Variants in CCNT2 observed in about 807,000 individuals in gnomAD.
CCNT2 encodes cyclin T2.
In CCNT2, 18 loss-of-function variants were observed where a neutral mutation model predicts 70.0. That is an observed-to-expected ratio of 0.26 (90% confidence interval 0.18 to 0.38). The LOEUF (loss-of-function observed/expected upper bound fraction) is 0.38. Ranked by LOEUF, CCNT2 falls within the 10% of genes least tolerant of loss-of-function variation. CCNT2 has a pLI of 1.00. For missense variants in CCNT2, 734 were observed against 890.2 expected (o/e 0.82, Z 2.23); for synonymous variants, 334 against 313.3 (o/e 1.07, Z -0.70).
rs1454237054 is a variant in CCNT2 at position 134,958,661 on chromosome 2, A to G, written c.*4013A>G. 6.6e-6 allele frequency: 1 copy of G among 152,236 alleles called. No homozygotes were observed. The highest frequency in any genetic ancestry group is 2.4e-5 in the African/African-American group (1 of 41,456). 9.4% of individuals were successfully genotyped at this position (152,236 alleles called of 1,614,324 possible). On this transcript the variant is annotated 3_prime_UTR_variant, in exon 9 of 9. Coordinates refer to ENST00000264157, the MANE Select transcript of CCNT2 (RefSeq NM_058241.3). ...TGACATACATGGAAGCCGAAATCAA[A>G]AGGTTGCTTTTGTTAGTTTCCCTGG... is the stretch of plus-strand genomic sequence containing the variant.
intron 2 of CCNT2, among the ~76,000 whole-genome samples, chr2:134,935,265 A>C (rs1053187671): frequency 1.3e-5 from 2 of 152,260 alleles, no homozygotes; most frequent in Non-Finnish European, 2.9e-5. Context: ...TTTTAAGTTA[A>C]CATTATTTCT....
chr2:134,923,819 C>G (rs1384086102), intron 2 of CCNT2, among the ~76,000 whole-genome samples: 3 of 152,140 alleles, frequency 2.0e-5, no homozygotes, highest in Admixed American at 1.3e-4. Context: ...TTGCTTAATC[C>G]CAAACTGTAG....
chr2:134,922,285 C>T (rs1403313353), intron 2 of CCNT2, among the ~76,000 whole-genome samples: 2 of 152,172 alleles, frequency 1.3e-5, no homozygotes, highest in Non-Finnish European at 2.9e-5. Context: ...CAAACTATAT[C>T]TAGTCTTATA....
In CCNT2 at chr2:134,938,996, T is replaced by C. The variant is rs1246289197; in HGVS notation, c.370-6T>C. On this transcript the variant is annotated splice_region_variant and splice_polypyrimidine_tract_variant and intron_variant, in intron 3 of 8. Transcript: ENST00000264157. ...TAATCAATTTGATAATATTTTTATC[T>C]GACAGGCTTACCTTCAACAGACTCA... The C allele has an allele frequency of 6.3e-7, 1 of 1,590,496 alleles. No homozygotes were observed. Among genetic ancestry groups the C allele is most frequent in the African/African-American group, 1.3e-5 (1 of 74,540 alleles).
At chr2:134,949,889 G>A (rs973300155) in intron 7 of CCNT2, among the ~76,000 whole-genome samples, 2 of 151,476 alleles carry the variant, frequency 1.3e-5, no homozygotes, top group Non-Finnish European at 2.9e-5. Flanking sequence ...TCCGCCTCCC[G>A]GGTTCAAGCA....
intron 2 of CCNT2, among the ~76,000 whole-genome samples, chr2:134,925,381 T>C (rs757810332): frequency 2.6e-5 from 4 of 152,188 alleles, no homozygotes; most frequent in Non-Finnish European, 5.9e-5. Context: ...TTGTGGGTTT[T>C]TTTAAGAATA....
intron 2 of CCNT2, among the ~76,000 whole-genome samples, chr2:134,935,092 A>G (rs1681051680): frequency 6.6e-6 from 1 of 152,256 alleles, no homozygotes; most frequent in Non-Finnish European, 1.5e-5. Flanking sequence ...ACAGCCACAT[A>G]GTGCTAAATC....
chr2:134,921,437 T>A (rs1372312695), intron 2 of CCNT2, among the ~76,000 whole-genome samples: 1 of 152,096 alleles, frequency 6.6e-6, no homozygotes. Flanking sequence ...CACCACAACC[T>A]CTGCCTCCCT....
At chr2:134,929,800 A>G (rs561625209) in intron 2 of CCNT2, among the ~76,000 whole-genome samples, 1 of 151,098 alleles carries the variant, frequency 6.6e-6, no homozygotes, top group African/African-American at 2.4e-5. Context: ...ACAGGCATGC[A>G]CCACCATGCC....
At chr2:134,942,541 A>T in intron 4 of CCNT2, 71 bp from the exon 5 acceptor site, 1 of 972,564 alleles carries the variant, frequency 1.0e-6, no homozygotes, top group African/African-American at 1.7e-5. Context: ...AATATATTAT[A>T]CGTTTATGGC....
chr2:134,945,590 C>G, intron 5 of CCNT2: 1 of 985,308 alleles, frequency 1.0e-6, no homozygotes, highest in Non-Finnish European at 1.2e-6. Flanking sequence ...TCTGTTGATG[C>G]TTAATAGCAT....
chr2:134,940,693 G>T (rs1385921407), intron 4 of CCNT2, among the ~76,000 whole-genome samples: 1 of 152,160 alleles, frequency 6.6e-6, no homozygotes, highest in East Asian at 1.9e-4. Context: ...TGTCTCTCCA[G>T]TAAATTACAT....
intron 2 of CCNT2, among the ~76,000 whole-genome samples, chr2:134,925,732 ACAT>A (rs1373268121): frequency 6.6e-6 from 1 of 152,104 alleles, no homozygotes; most frequent in African/African-American, 2.4e-5. Context: ...GCTCTTAAGA[ACAT>A]TTGTGTACAA....
chr2:134,927,106 A>C (rs1019528905), intron 2 of CCNT2, among the ~76,000 whole-genome samples: 3 of 152,214 alleles, frequency 2.0e-5, no homozygotes, highest in Non-Finnish European at 4.4e-5. Flanking sequence ...TCATTTATTA[A>C]TAGGCATTAC....
chr2:134,946,031 G>A, intron 5 of CCNT2, 70 bp from the exon 6 acceptor site: 2 of 1,606,772 alleles, frequency 1.2e-6, no homozygotes, highest in South Asian at 2.2e-5. Context: ...TTTTTGTTGT[G>A]TTGAGAACTT....
At chr2:134,952,168 A>G (rs1682558620) in intron 7 of CCNT2, among the ~76,000 whole-genome samples, 2 of 152,206 alleles carry the variant, frequency 1.3e-5, no homozygotes, top group South Asian at 4.1e-4. Context: ...TTACAGTGGT[A>G]TCCTTAAAGT....
chr2:134,946,084 T>G lies in CCNT2; in HGVS notation c.494-17T>G. ...AAGGCTGATAGTATTGTCTTCGTTT[T>G]TTTTTTTTTCTTACAGCAAGCAAGG... On this transcript the variant is annotated splice_polypyrimidine_tract_variant and intron_variant, in intron 5 of 8. Coordinates refer to ENST00000264157, the MANE Select transcript of CCNT2 (RefSeq NM_058241.3). 1.2e-6 allele frequency: 2 copies of G among 1,611,368 alleles called. No individual in the cohort carries two copies. The highest frequency in any genetic ancestry group is 1.7e-4 in the Middle Eastern group (1 of 6,056).
chr2:134,954,683 T>TA lies in CCNT2; in HGVS notation c.*37dup. 3 of 1,432,590 alleles carry TA rather than the reference T, an allele frequency of 2.1e-6. No individual in the cohort carries two copies. The highest frequency in any genetic ancestry group is 2.9e-6 in the Non-Finnish European group (3 of 1,030,850). 88.7% of individuals were successfully genotyped at this position (1,432,590 alleles called of 1,614,324 possible). ...TAGGTCAATTTTTCCTTTACTTTTTTAATTTAAAAATTGTTAGAATGGAAA... is the reference window on the plus strand; with the variant it reads ...TAGGTCAATTTTTCCTTTACTTTTTTAAATTTAAAAATTGTTAGAATGGAAA... On this transcript the variant is annotated 3_prime_UTR_variant, in exon 9 of 9. Coordinates refer to ENST00000264157, the MANE Select transcript of CCNT2 (RefSeq NM_058241.3).
At chr2:134,921,821 A>G in intron 2 of CCNT2, among the ~76,000 whole-genome samples, 1 of 152,220 alleles carries the variant, frequency 6.6e-6, no homozygotes. Context: ...TAAAAAGGCC[A>G]AGGTATTAAT....
Sources: allele counts gnomAD v4.1 joint callset (sites outside exome capture counted in the v4.1 genomes callset), GRCh38; gene constraint gnomAD v4.1.1; transcripts MANE v1.5; gene names NCBI Gene and HGNC (gene_info 2026-07-23, HGNC 2026-07-21).